Variants in OGA observed in about 807,000 individuals in gnomAD.
OGA encodes protein O-GlcNAcase.
A neutral mutation model predicts 102.0 loss-of-function variants in OGA; 21 were observed. The observed-to-expected ratio is 0.21, with a 90% confidence interval of 0.15 to 0.30. OGA has a LOEUF of 0.30. Among genes scored for constraint, OGA ranks in the 10% least tolerant of loss-of-function variants. OGA has a pLI of 1.00. For synonymous variants in OGA, 408 were observed against 378.2 expected, an observed-to-expected ratio of 1.08 and a Z score of -0.91; for missense variants, 765 against 1,107.8, an observed-to-expected ratio of 0.69 and a Z score of 4.39.
At chr10:101,817,743 T>C (rs924870308) in intron 1 of OGA, 81 bp downstream of exon 1, 8 of 1,457,136 alleles carry the variant, frequency 5.5e-6, no homozygotes, top group Admixed American at 2.1e-5. Context: ...CCTTTTAGAG[T>C]CTCCAAAATC....
At position 101,799,186 on chromosome 10, in the gene OGA, C is replaced by T. The variant is rs1399730908; in HGVS notation, c.1465G>A (p.Glu489Lys). The change falls in exon 9 of 16, where the codon GAA (glutamate) becomes AAA (lysine). Residue 489 changes from glutamate to lysine, a missense_variant. Physicochemically the swap from Glu to Lys is moderately conservative, Grantham distance 56. Around this residue, in one of 7 missense-constraint regions of OGA, gnomAD observed 281 missense variants for 345.8 expected, o/e 0.81. Transcript: ENST00000361464. ...NDNQILSEIV[E>K]AKMAEELKPM... is the part of the protein sequence containing the mutation. ...TTCAATTCCTCTGCCATTTTCGCTT[C>T]AACAATTTCACTCAGTATTTGATTG... 6.2e-7 allele frequency: 1 copy of T among 1,614,108 alleles called. No homozygotes were observed. Among genetic ancestry groups the T allele is most frequent in the African/African-American group, 1.3e-5 (1 of 74,934 alleles).
intron 7 of OGA, among the ~76,000 whole-genome samples, chr10:101,802,780 A>G: frequency 6.6e-6 from 1 of 152,020 alleles, no homozygotes; most frequent in Non-Finnish European, 1.5e-5. Flanking sequence ...CACCTTACTT[A>G]GAACTCTATT....
At chr10:101,808,412 A>G (rs537309347) in intron 4 of OGA, among the ~76,000 whole-genome samples, 2 of 152,216 alleles carry the variant, frequency 1.3e-5, no homozygotes, top group Non-Finnish European at 2.9e-5. Context: ...CAAAGTCAGA[A>G]AAATACAGAA....
chr10:101,792,990 C>T (rs2065276465), intron 11 of OGA, 47 bp from the exon 12 acceptor site: 1 of 1,504,860 alleles, frequency 6.6e-7, no homozygotes, highest in African/African-American at 1.4e-5. Flanking sequence ...GGAAGGTATC[C>T]ATTTTTTTAA....
Position 101,785,028 on chromosome 10 carries a change from G to A in OGA, c.*1423C>T, listed in dbSNP as rs1168658139. On this transcript the variant is annotated 3_prime_UTR_variant, in exon 16 of 16. Transcript: ENST00000361464. ...GGGCTCTCTCAAAGCCCACAATGGT[G>A]GAGTTCTGTGAAAGAAAACTTAAGT... 1 of 152,176 alleles carries A rather than the reference G, an allele frequency of 6.6e-6. No homozygotes were observed. Among genetic ancestry groups the A allele is most frequent in the Non-Finnish European group, 1.5e-5 (1 of 68,042 alleles). 9.4% of individuals were successfully genotyped at this position (152,176 alleles called of 1,614,324 possible). A position where few individuals can be genotyped will look rare whatever the true frequency, so the allele number is the denominator to read the frequency against.
rs1256441133 is a variant in OGA, at chr10:101,810,170, A to G, written c.480+14T>C. On this transcript the variant is annotated intron_variant, in intron 4 of 15. Coordinates refer to ENST00000361464, the MANE Select transcript of OGA (RefSeq NM_012215.5). ...TACATAGTCAGGAAAAATGAATAAA[A>G]AGTAAGGAGTTACCTGGTCCAATTT... The G allele has an allele frequency of 6.3e-7, 1 of 1,596,832 alleles. No individual in the cohort carries two copies. Among genetic ancestry groups the G allele is most frequent in the African/African-American group, 1.4e-5 (1 of 74,008 alleles).
intron 1 of OGA, among the ~76,000 whole-genome samples, chr10:101,815,468 T>A (rs992288540): frequency 5.3e-5 from 8 of 152,080 alleles, no homozygotes; most frequent in Non-Finnish European, 1.2e-4. Context: ...CTATTTTTAG[T>A]AGAGACAGGG....
chr10:101,805,798 AC>A (rs1486088029), intron 6 of OGA, among the ~76,000 whole-genome samples: 1 of 150,528 alleles, frequency 6.6e-6, no homozygotes, highest in Non-Finnish European at 1.5e-5. Flanking sequence ...TACTAAAAAT[AC>A]AAAAAATTAG....
chr10:101,790,873 A>G (rs1333806010), intron 14 of OGA, 23 bp downstream of exon 14: 3 of 1,507,684 alleles, frequency 2.0e-6, no homozygotes, highest in East Asian at 4.6e-5. Flanking sequence ...TTACCATAGT[A>G]TAATTCTTAA....
At chr10:101,807,931 A>T (rs2065497396) in intron 4 of OGA, 30 bp from the exon 5 acceptor site, 7 of 1,460,582 alleles carry the variant, frequency 4.8e-6, no homozygotes, top group Non-Finnish European at 6.4e-6. Context: ...AAGAATCAAG[A>T]GTAAAAAAAT....
intron 1 of OGA, among the ~76,000 whole-genome samples, chr10:101,816,802 T>G (rs916508652): frequency 2.0e-5 from 3 of 152,030 alleles, no homozygotes; most frequent in African/African-American, 7.3e-5. Context: ...AATACTCTAA[T>G]TTATATGGTG....
intron 4 of OGA, among the ~76,000 whole-genome samples, chr10:101,809,031 A>G (rs2065513807): frequency 6.6e-6 from 1 of 151,996 alleles, no homozygotes. Context: ...CAGCTTTTAC[A>G]TTAAGCAGAC....
chr10:101,785,961 G>C lies in OGA; in HGVS notation c.*490C>G, dbSNP rs895212956. ...AATTATTTATTCAGCTTAAACTAATGCCACAACCATCCCACTTGGAATCAC... is the reference window on the plus strand; with the variant it reads ...AATTATTTATTCAGCTTAAACTAATCCCACAACCATCCCACTTGGAATCAC... On this transcript the variant is annotated 3_prime_UTR_variant, in exon 16 of 16. Transcript: ENST00000361464. The C allele has an allele frequency of 1.3e-5, 2 of 152,344 alleles. No individual in the cohort carries two copies. Among genetic ancestry groups the C allele is most frequent in the African/African-American group, 4.8e-5 (2 of 41,416 alleles). 9.4% of individuals were successfully genotyped at this position (152,344 alleles called of 1,614,324 possible).
At chr10:101,806,665 A>G (rs1281625108) in intron 5 of OGA, among the ~76,000 whole-genome samples, 1 of 152,250 alleles carries the variant, frequency 6.6e-6, no homozygotes, top group African/African-American at 2.4e-5. Flanking sequence ...AAGTTTACTA[A>G]AAAAACAAGA....
intron 11 of OGA, 93 bp downstream of exon 11, chr10:101,793,820 G>T: frequency 1.1e-6 from 1 of 937,054 alleles, no homozygotes. Flanking sequence ...GAAAGCCTTC[G>T]GCAGACCAAT....
In OGA at chr10:101,810,333, GT is replaced by G; in HGVS notation, c.350-20del. On this transcript the variant is annotated intron_variant, in intron 3 of 15. Coordinates refer to ENST00000361464, the MANE Select transcript of OGA (RefSeq NM_012215.5). ...AGTTGCTCTAAAGAACAGAGTCTAT[GT>G]TTTTAGAAAGCAGAACAGAAAACTA... The G allele has an allele frequency of 6.3e-7, 1 of 1,591,872 alleles. No homozygotes were observed. Among genetic ancestry groups the G allele is most frequent in the African/African-American group, 1.4e-5 (1 of 73,712 alleles).
chr10:101,796,119 G>A (rs1026093619), intron 10 of OGA: 2 of 164,170 alleles, frequency 1.2e-5, no homozygotes, highest in African/African-American at 4.8e-5. Context: ...AAGGGCCTTA[G>A]AAACTTAAGT....
At chr10:101,810,112 G>A (rs181667315) in intron 4 of OGA, 72 bp downstream of exon 4, 180 of 1,347,986 alleles carry the variant, frequency 1.3e-4, no homozygotes, top group Middle Eastern at 1.9e-4. Flanking sequence ...TTTTAACATC[G>A]TAAAAGCAAC....
chr10:101,804,539 C>T (rs1162952301), intron 6 of OGA, among the ~76,000 whole-genome samples: 2 of 152,188 alleles, frequency 1.3e-5, no homozygotes, highest in Non-Finnish European at 2.9e-5. Context: ...TCCCAAAGTG[C>T]TGGGATTACA....
Sources: gnomAD v4.1 joint callset for allele counts (sites outside exome capture counted in the v4.1 genomes callset) on GRCh38, gnomAD v4.1.1 for gene constraint, gnomAD v4.1.1 regional missense constraint, MANE v1.5 for transcripts, NCBI Gene and HGNC (gene_info 2026-07-23, HGNC 2026-07-21) for gene names.